The following SPATS1 variants were observed in gnomAD, a reference collection of about 807,000 sequenced individuals.
SPATS1 encodes the protein spermatogenesis-associated serine-rich protein 1.
Under a neutral mutation model 33.6 loss-of-function variants are expected in SPATS1, and 23 were observed. The ratio of observed to expected loss-of-function variants is 0.68; its 90% CI spans 0.49 to 0.97. The LOEUF is 0.97. SPATS1 is among the 50% of genes least tolerant of loss of function. The pLI is 0.00. For missense variants in SPATS1, 327 were observed against 361.0 expected (o/e 0.91, Z 0.76); for synonymous variants, 131 against 125.6 (o/e 1.04, Z -0.29).
Position 44,362,002 on chromosome 6 carries a change from C to T in SPATS1, c.574+10C>T, listed in dbSNP as rs919617074. On this transcript the variant is annotated intron_variant, in intron 5 of 8. Transcript: ENST00000674044. The stretch of plus-strand genomic sequence containing the variant: ...GGGAGAAAGAAATACGGTGATGTTT[C>T]CTTCTGGGTCTTGACTGTGCAGTCC... The T allele has an allele frequency of 3.1e-6, 5 of 1,614,176 alleles. No homozygotes were observed. Among genetic ancestry groups the T allele is most frequent in the Non-Finnish European group, 4.2e-6 (5 of 1,180,020 alleles).
chr6:44,343,593 C>T (rs916089890), intron 2 of SPATS1: 18 of 438,512 alleles, frequency 4.1e-5, no homozygotes, highest in African/African-American at 3.6e-4. Flanking sequence ...GTCTGCCATA[C>T]TTTCGAGCCT....
intron 4 of SPATS1, among the ~76,000 whole-genome samples, chr6:44,361,047 TACAA>T (rs1201487247): frequency 6.6e-6 from 1 of 152,178 alleles, no homozygotes; most frequent in African/African-American, 2.4e-5. Context: ...ATACCCATTT[TACAA>T]AGGAGGAAAC....
chr6:44,367,357 C>T (rs1561959504), intron 5 of SPATS1, among the ~76,000 whole-genome samples: 2 of 152,342 alleles, frequency 1.3e-5, no homozygotes, highest in East Asian at 3.9e-4. Flanking sequence ...CCTCCACTCT[C>T]TCTGCTTTGA....
intron 7 of SPATS1, among the ~76,000 whole-genome samples, chr6:44,375,571 A>G (rs1168259847): frequency 1.3e-5 from 2 of 152,176 alleles, no homozygotes; most frequent in Non-Finnish European, 2.9e-5. Context: ...GCACTTTGGG[A>G]GGCCAAGGTG....
intron 3 of SPATS1, among the ~76,000 whole-genome samples, chr6:44,354,886 C>A (rs1561956236): frequency 6.6e-6 from 1 of 152,178 alleles, no homozygotes; most frequent in Non-Finnish European, 1.5e-5. Flanking sequence ...ATGATCATGA[C>A]TCACTGCAGC....
At chr6:44,368,209 G>T (rs1789362138) in intron 5 of SPATS1, among the ~76,000 whole-genome samples, 170 bp from the exon 6 acceptor site, 1 of 152,118 alleles carries the variant, frequency 6.6e-6, no homozygotes, top group African/African-American at 2.4e-5. Context: ...CCCAAATATA[G>T]GCTCATCTCC....
intron 2 of SPATS1, among the ~76,000 whole-genome samples, chr6:44,348,013 T>TG (rs796929766): frequency 2.0e-5 from 3 of 150,920 alleles, no homozygotes; most frequent in African/African-American, 7.4e-5. Context: ...TTATTATTTT[T>TG]GTTTTTTTTT....
At chr6:44,363,653 TC>T (rs1554153445) in intron 5 of SPATS1, among the ~76,000 whole-genome samples, 2 of 13,382 alleles carry the variant, frequency 1.5e-4, no homozygotes, top group African/African-American at 4.1e-4. Flanking sequence ...CTTCCTTCCT[TC>T]CCTCCTTCCC....
At chr6:44,365,876 G>T (rs770827732) in intron 5 of SPATS1, among the ~76,000 whole-genome samples, 9 of 152,154 alleles carry the variant, frequency 5.9e-5, no homozygotes, top group African/African-American at 9.7e-5. Context: ...CAGTGTTATG[G>T]GTCCATCAGC....
chr6:44,361,337 T>C, intron 4 of SPATS1: 1 of 985,442 alleles, frequency 1.0e-6, no homozygotes, highest in South Asian at 4.7e-5. Context: ...CATTTGAAAT[T>C]ATCACAGGTC....
intron 5 of SPATS1, among the ~76,000 whole-genome samples, chr6:44,362,689 T>C (rs1280961827): frequency 2.0e-5 from 3 of 152,216 alleles, no homozygotes; most frequent in Non-Finnish European, 2.9e-5. Context: ...ATTTTTGAGT[T>C]TTAAAATAGA....
intron 4 of SPATS1, among the ~76,000 whole-genome samples, chr6:44,360,845 T>G (rs1327195577): frequency 6.6e-6 from 1 of 152,164 alleles, no homozygotes; most frequent in Non-Finnish European, 1.5e-5. Context: ...TTCAACAATA[T>G]CCCTATTCTG....
At chr6:44,363,257 A>G (rs9381315) in intron 5 of SPATS1, among the ~76,000 whole-genome samples, 120,054 of 152,022 alleles carry the variant, frequency 0.79, 47,517 homozygotes, top group Admixed American at 0.81. Context: ...GCAATCCTCT[A>G]ACCTCAGCCT....
intron 7 of SPATS1, among the ~76,000 whole-genome samples, chr6:44,373,659 A>G (rs1789760309): frequency 6.6e-6 from 1 of 152,226 alleles, no homozygotes; most frequent in African/African-American, 2.4e-5. Flanking sequence ...GTAAAATAAG[A>G]ACAAAACCTG....
rs574955587 is a variant in SPATS1 at position 44,379,784 on chromosome 6, T to TTA, written c.*2721_*2722insTA. 3.5e-4 allele frequency among the ~76,000 whole-genome samples: 46 copies of TTA among 130,552 alleles called. No homozygotes were observed. Among genetic ancestry groups the TTA allele is most frequent in the African/African-American group, 1.3e-3 (45 of 35,236 alleles). 85.6% of individuals were successfully genotyped at this position (130,552 alleles called of 152,430 possible). On this transcript the variant is annotated 3_prime_UTR_variant, in exon 9 of 9. Transcript: ENST00000674044. ...TAATCCAGGCCGCAAAAACCATGAG[T>TTA]AAAAAAAAAAAACACAAAAAAACAA...
At chr6:44,371,674 G>T (rs1360312572) in intron 7 of SPATS1, among the ~76,000 whole-genome samples, 2 of 152,026 alleles carry the variant, frequency 1.3e-5, no homozygotes, top group Admixed American at 1.3e-4. Context: ...GGCTGGGCGC[G>T]GTGGCTCATG....
chr6:44,343,801 A>C (rs1787710412), intron 2 of SPATS1, among the ~76,000 whole-genome samples: 1 of 152,216 alleles, frequency 6.6e-6, no homozygotes, highest in African/African-American at 2.4e-5. Flanking sequence ...GAACAGCCAC[A>C]GTCTCCCAGA....
intron 3 of SPATS1, among the ~76,000 whole-genome samples, chr6:44,353,609 T>A (rs1359762702): frequency 6.6e-6 from 1 of 152,234 alleles, no homozygotes; most frequent in Non-Finnish European, 1.5e-5. Context: ...ATTGACTTTG[T>A]GTTTTATGTA....
chr6:44,362,225 G>A (rs555650587), intron 5 of SPATS1, among the ~76,000 whole-genome samples: 1 of 152,296 alleles, frequency 6.6e-6, no homozygotes, highest in South Asian at 2.1e-4. Context: ...TTCATAAAAT[G>A]CAAATGTGAC....
Sources: gnomAD v4.1 joint callset for allele counts (sites outside exome capture counted in the v4.1 genomes callset) on GRCh38, gnomAD v4.1.1 for gene constraint, MANE v1.5 for transcripts, NCBI Gene and HGNC (gene_info 2026-07-23, HGNC 2026-07-21) for gene names.